PURG: variants seen among roughly 807,000 people sequenced by gnomAD.
The protein encoded by PURG is purine-rich element-binding protein gamma.
A neutral mutation model predicts 24.3 loss-of-function variants in PURG; 3 were observed. That is an observed-to-expected ratio of 0.12 (90% confidence interval 0.06 to 0.32). The LOEUF (loss-of-function observed/expected upper bound fraction) is 0.32. Ranked by LOEUF, PURG falls within the 10% of genes least tolerant of loss-of-function variation. The pLI is 1.00. For missense variants in PURG, 371 were observed against 439.1 expected (o/e 0.84, Z 1.39); for synonymous variants, 180 against 173.1 (o/e 1.04, Z -0.31).
At position 31,032,766 on chromosome 8, in the gene PURG, C is replaced by G; in HGVS notation, c.17G>C (p.Arg6Pro). The change falls in exon 2 of 2, where the codon CGA (arginine) becomes CCA (proline). Residue 6 changes from arginine to proline, a missense_variant. Physicochemically the swap from Arg to Pro is moderately radical, Grantham distance 103 (BLOSUM62 -2). Around this residue, in one of 5 missense-constraint regions of PURG, gnomAD observed 213 missense variants for 230.6 expected, o/e 0.92. Transcript: ENST00000523392. This position sits in a 1 kb window ranked among gnomAD's most constrained non-coding sequence, Gnocchi z 5.9. The part of the protein sequence containing the change: MERAR[R>P]RGGGGGRGRG... ...GCCGCGGCCGCCGCCGCCTCCCCTT[C>G]GCCTGGCTCTTTCCATCTTCAGCTG... The G allele has an allele frequency of 7.0e-7, 1 of 1,433,530 alleles. No individual in the cohort carries two copies. The highest frequency in any genetic ancestry group is 9.2e-7 in the Non-Finnish European group (1 of 1,090,480). The allele number at this position is 1,433,530 out of a possible 1,614,324, so 88.8% of individuals were successfully genotyped here. A position where few individuals can be genotyped will look rare whatever the true frequency, so the allele number is the denominator to read the frequency against.
chr8:31,009,047 T>G (rs1368882124), intron 1 of PURG, among the ~76,000 whole-genome samples: 1 of 152,224 alleles, frequency 6.6e-6, no homozygotes, highest in Non-Finnish European at 1.5e-5. Flanking sequence ...CTTAGCCATA[T>G]TGATCTGACT....
Position 31,032,749 on chromosome 8 carries a change from C to T in PURG, c.34G>A (p.Gly12Ser), listed in dbSNP as rs1351532639. ...ERARRRGGGG[G>S]RGRGGKNVGG... Reference sequence around the variant, plus strand: ...ACATTCTTGCCTCCGCGGCCGCGGCCGCCGCCGCCTCCCCTTCGCCTGGCT... The same window carrying T: ...ACATTCTTGCCTCCGCGGCCGCGGCTGCCGCCGCCTCCCCTTCGCCTGGCT... Residue 12 changes from glycine to serine, a missense_variant, in exon 2 of 2, where the codon GGC (glycine) becomes AGC (serine). Physicochemically the swap from Gly to Ser is moderately conservative, Grantham distance 56. Around this residue, in one of 5 missense-constraint regions of PURG, gnomAD observed 213 missense variants for 230.6 expected, o/e 0.92. Transcript: ENST00000523392. The surrounding 1 kb of genome is among the most constrained non-coding windows in gnomAD (Gnocchi z 5.9). The T allele has an allele frequency of 1.4e-6, 2 of 1,429,186 alleles. No homozygotes were observed. Among genetic ancestry groups the T allele is most frequent in the African/African-American group, 1.4e-5 (1 of 69,684 alleles). The allele number at this position is 1,429,186 out of a possible 1,614,324, so 88.5% of individuals were successfully genotyped here.
chr8:31,014,592 T>G (rs181127798), intron 1 of PURG, among the ~76,000 whole-genome samples: 2 of 152,372 alleles, frequency 1.3e-5, no homozygotes, highest in African/African-American at 2.4e-5. Context: ...CCAAATTGTG[T>G]TTCTATTAAA....
At chr8:31,021,971 C>CT (rs1011753786) in intron 1 of PURG, among the ~76,000 whole-genome samples, 11,743 of 136,902 alleles carry the variant, frequency 0.086, 568 homozygotes, top group Non-Finnish European at 0.12. Context: ...TCATTTCTTT[C>CT]TTTTTTTTTT....
Position 31,032,417 on chromosome 8 carries a change from G to T in PURG, c.366C>A (p.Phe122Leu). Residue 122 changes from phenylalanine to leucine, a missense_variant, in exon 2 of 2, where the codon TTC (phenylalanine) becomes TTA (leucine). Phe to Leu is a conservative substitution (Grantham distance 22, BLOSUM62 0). Coordinates refer to ENST00000523392, the MANE Select transcript of PURG (RefSeq NM_001323311.2). This position sits in a 1 kb window ranked among gnomAD's most constrained non-coding sequence, Gnocchi z 5.9. ...AAELKDCLGD[F>L]IEHYAHLGLK... is the part of the protein sequence containing the mutation. Reference sequence around the variant, plus strand: ...GGCCCAGGTGGGCATAGTGCTCGATGAAGTCCCCTAGACAGTCCTTCAGCT... The same window carrying T: ...GGCCCAGGTGGGCATAGTGCTCGATTAAGTCCCCTAGACAGTCCTTCAGCT... 1 of 1,614,038 alleles carries T rather than the reference G, an allele frequency of 6.2e-7. No homozygotes were observed. The highest frequency in any genetic ancestry group is 1.3e-5 in the African/African-American group (1 of 75,052).
intron 1 of PURG, among the ~76,000 whole-genome samples, chr8:31,004,603 G>A (rs913505089): frequency 6.6e-6 from 1 of 152,108 alleles, no homozygotes; most frequent in African/African-American, 2.4e-5. Flanking sequence ...GGAGGCAGAG[G>A]TTGCAGTTAC....
At position 31,020,616 on chromosome 8, in the gene PURG, G is replaced by T. The variant is rs893848875; in HGVS notation, c.864+11303C>A. 3.9e-5 allele frequency among the ~76,000 whole-genome samples: 6 copies of T among 152,176 alleles called. No individual in the cohort carries two copies. The East Asian group carries it at 1.2e-3, about 29-fold the overall frequency. ...TGAAAAATGAGAGGGAATCAGAAAG[G>T]TTATTCAAAAGGGAAGAAAATAATT... On this transcript the variant is annotated intron_variant, in intron 1 of 1. Coordinates refer to the PURG transcript ENST00000339382.
intron 1 of PURG, among the ~76,000 whole-genome samples, chr8:31,009,866 T>C (rs143998825): frequency 6.6e-6 from 1 of 152,256 alleles, no homozygotes; most frequent in Non-Finnish European, 1.5e-5. Flanking sequence ...ATGTGGTCAT[T>C]TATCTCTTGT....
At chr8:31,023,669 C>T (rs760849382) in intron 1 of PURG, among the ~76,000 whole-genome samples, 2 of 150,336 alleles carry the variant, frequency 1.3e-5, no homozygotes, top group Non-Finnish European at 2.9e-5. Flanking sequence ...CTAAAAAAAA[C>T]CCCCAAACCA....
At chr8:31,028,923 T>A (rs1038818246), downstream of PURG, among the ~76,000 whole-genome samples, 1 of 151,878 alleles carries the variant, frequency 6.6e-6, no homozygotes, top group Admixed American at 6.5e-5. Flanking sequence ...ACTTTCATGC[T>A]CATTTTTTAA....
At chr8:31,020,166 C>T (rs902380335) in intron 1 of PURG, among the ~76,000 whole-genome samples, 8 of 152,092 alleles carry the variant, frequency 5.3e-5, no homozygotes, top group East Asian at 3.9e-4. Flanking sequence ...CCATTCTATA[C>T]GTACAGAGAG....
intron 1 of PURG, among the ~76,000 whole-genome samples, chr8:31,011,346 T>C (rs774928503): frequency 6.6e-6 from 1 of 152,156 alleles, no homozygotes; most frequent in Non-Finnish European, 1.5e-5. Context: ...AGGACTCAGG[T>C]AGTCATTACC....
Position 31,032,620 on chromosome 8 carries a change from C to A in PURG, c.163G>T (p.Ala55Ser). ...TTGGAGGCCAGCTCCTGGATTTCGG[C>A]TGCGCCCCCGGCCTGATTAGGGGTG... Reference protein sequence around the residue: ...SATPNQAGGAAEIQELASKRV... With the variant: ...SATPNQAGGASEIQELASKRV... Residue 55 changes from alanine (A) to serine (S), a missense_variant, in exon 2 of 2, where the codon GCC becomes TCC. Coordinates refer to ENST00000523392, the MANE Select transcript of PURG (RefSeq NM_001323311.2). This position sits in a 1 kb window ranked among gnomAD's most constrained non-coding sequence, Gnocchi z 5.9. The A allele has an allele frequency of 6.2e-7, 1 of 1,604,412 alleles. No individual in the cohort carries two copies. Among genetic ancestry groups the A allele is most frequent in the Non-Finnish European group, 8.5e-7 (1 of 1,174,384 alleles).
intron 1 of PURG, among the ~76,000 whole-genome samples, chr8:31,020,857 C>T (rs1329331858): frequency 1.3e-5 from 2 of 152,172 alleles, no homozygotes; most frequent in Non-Finnish European, 2.9e-5. Flanking sequence ...TAGATCACAG[C>T]ATCCACTCTC....
At chr8:31,004,047 T>C (rs1810595218) in intron 1 of PURG, among the ~76,000 whole-genome samples, 1 of 152,214 alleles carries the variant, frequency 6.6e-6, no homozygotes. Context: ...TTTAGATTTG[T>C]TGATACACAA....
Position 31,032,695 on chromosome 8 carries a change from G to A in PURG, c.88C>T (p.Leu30Phe). 6.6e-7 allele frequency: 1 copy of A among 1,522,108 alleles called. No individual in the cohort carries two copies. Among genetic ancestry groups the A allele is most frequent in the Non-Finnish European group, 8.8e-7 (1 of 1,135,950 alleles). The allele number at this position is 1,522,108 out of a possible 1,614,324, so 94.3% of individuals were successfully genotyped here. The change falls in exon 2 of 2, where the codon CTC becomes TTC. Residue 30 changes from leucine to phenylalanine, a missense_variant. This residue lies in a region of PURG where 213 missense variants were observed against 230.6 expected (regional missense o/e 0.92). Coordinates refer to ENST00000523392, the MANE Select transcript of PURG (RefSeq NM_001323311.2). This position sits in a 1 kb window ranked among gnomAD's most constrained non-coding sequence, Gnocchi z 5.9. ...TGGGAGTGCTGGGCCTGGGGATAGA[G>A]TCTACTCTTGCTTAGGCCAGAGCCC... ...VGGSGLSKSR[L>F]YPQAQHSHYP...
chr8:31,005,464 A>G (rs1423811901), intron 1 of PURG, among the ~76,000 whole-genome samples: 1 of 151,868 alleles, frequency 6.6e-6, no homozygotes, highest in African/African-American at 2.4e-5. Flanking sequence ...AGAAAAGAAA[A>G]GAAAAGAAAA....
chr8:31,030,100 TC>T (rs1811165668), downstream of PURG, among the ~76,000 whole-genome samples: 1 of 151,964 alleles, frequency 6.6e-6, no homozygotes, highest in South Asian at 2.1e-4. Context: ...TTTTTTTAAT[TC>T]ATACCATCAA....
In PURG at chr8:31,032,172, C is replaced by T. The variant is rs1311927652; in HGVS notation, c.611G>A (p.Arg204Gln). The change falls in exon 2 of 2, where the codon CGG becomes CAG. Residue 204 changes from arginine (R) to glutamine (Q), a missense_variant. Transcript: ENST00000523392. The surrounding 1 kb of genome is among the most constrained non-coding windows in gnomAD (Gnocchi z 5.9). ...AAAATAACCTATCATGCCAGTCCCC[C>T]GCATCATGGTTTGTCTAATCCGTAG... is the stretch of plus-strand genomic sequence containing the variant. ...RFLRIRQTMM[R>Q]GTGMIGYFGH... 20 of 1,614,040 alleles carry T rather than the reference C, an allele frequency of 1.2e-5. No individual in the cohort carries two copies. The highest frequency in any genetic ancestry group is 1.6e-5 in the Non-Finnish European group (19 of 1,180,026).
Sources: gnomAD v4.1 joint callset for allele counts (sites outside exome capture counted in the v4.1 genomes callset) on GRCh38, gnomAD v4.1.1 for gene constraint, gnomAD v4.1.1 regional missense constraint, Gnocchi (gnomAD v3.1) non-coding constraint, MANE v1.5 for transcripts, NCBI Gene and HGNC (gene_info 2026-07-23, HGNC 2026-07-21) for gene names.